The following ITGB8 variants were observed in gnomAD, a reference collection of about 807,000 sequenced individuals.
ITGB8 encodes integrin beta-8.
A neutral mutation model predicts 89.5 loss-of-function variants in ITGB8; 30 were observed. The observed-to-expected ratio is 0.34, with a 90% confidence interval of 0.25 to 0.45. The LOEUF (loss-of-function observed/expected upper bound fraction) is 0.45, where lower values mean the gene tolerates loss of function less well. Ranked by LOEUF, ITGB8 falls within the 20% of genes least tolerant of loss-of-function variation. The pLI, the probability that ITGB8 is intolerant of heterozygous loss-of-function variation, is 1.00. For missense variants in ITGB8, 836 were observed against 933.3 expected (o/e 0.90, Z 1.36); for synonymous variants, 335 against 320.4 (o/e 1.05, Z -0.49).
intron 1 of ITGB8, among the ~76,000 whole-genome samples, chr7:20,346,301 G>C (rs752581797): frequency 1.3e-5 from 2 of 152,160 alleles, no homozygotes; most frequent in East Asian, 1.9e-4. Context: ...ACTGGGATAT[G>C]GGCAGTCCTT....
chr7:20,359,045 C>G (rs1324072734), intron 1 of ITGB8, among the ~76,000 whole-genome samples: 1 of 152,170 alleles, frequency 6.6e-6, no homozygotes, highest in Non-Finnish European at 1.5e-5. Flanking sequence ...CATGATTTTG[C>G]TCTTTCTTAT....
chr7:20,341,378 A>G (rs1162141712), intron 1 of ITGB8, among the ~76,000 whole-genome samples: 1 of 152,188 alleles, frequency 6.6e-6, no homozygotes. Flanking sequence ...AGTTTTGGTT[A>G]AAAAGGTCCC....
At chr7:20,408,754 C>T (rs1787648593) in intron 12 of ITGB8, among the ~76,000 whole-genome samples, 1 of 152,136 alleles carries the variant, frequency 6.6e-6, no homozygotes, top group Non-Finnish European at 1.5e-5. Flanking sequence ...ACAACAGAGC[C>T]TGTAGACTTT....
intron 1 of ITGB8, among the ~76,000 whole-genome samples, chr7:20,355,660 A>C (rs1278389819): frequency 6.6e-6 from 1 of 152,144 alleles, no homozygotes; most frequent in Admixed American, 6.5e-5. Flanking sequence ...TTGCCCCATA[A>C]AGATACTTAT....
intron 6 of ITGB8, among the ~76,000 whole-genome samples, chr7:20,384,090 G>T (rs1786509433): frequency 1.3e-5 from 2 of 152,104 alleles, no homozygotes; most frequent in African/African-American, 4.8e-5. Context: ...TCCTGCTTTG[G>T]AATGTTCTAT....
At chr7:20,377,061 G>T (rs1233926469) in intron 3 of ITGB8, among the ~76,000 whole-genome samples, 2 of 152,102 alleles carry the variant, frequency 1.3e-5, no homozygotes, top group Non-Finnish European at 2.9e-5. Flanking sequence ...CCCTTGTGTG[G>T]CTAGCATTTG....
chr7:20,387,051 G>A (rs938066705), intron 6 of ITGB8, among the ~76,000 whole-genome samples: 6 of 152,158 alleles, frequency 3.9e-5, no homozygotes, highest in Non-Finnish European at 8.8e-5. Flanking sequence ...GCACATCCAA[G>A]AGCATATCTT....
intron 1 of ITGB8, among the ~76,000 whole-genome samples, chr7:20,336,870 G>A (rs1054673597): frequency 2.6e-5 from 4 of 152,172 alleles, no homozygotes; most frequent in Non-Finnish European, 5.9e-5. Context: ...ATAACTTGAG[G>A]ATAATAGTGA....
intron 2 of ITGB8, 119 bp from the exon 3 acceptor site, chr7:20,366,893 A>C: frequency 1.5e-6 from 1 of 645,966 alleles, no homozygotes. Context: ...TAAAAACATA[A>C]GGATTAGAAG....
intron 1 of ITGB8, among the ~76,000 whole-genome samples, chr7:20,337,524 T>G (rs1583463362): frequency 1.3e-5 from 2 of 152,342 alleles, no homozygotes; most frequent in Admixed American, 1.3e-4. Flanking sequence ...GAAAATATAA[T>G]ATATCCTTTA....
At chr7:20,359,617 T>C (rs1785424479) in intron 1 of ITGB8, among the ~76,000 whole-genome samples, 1 of 152,096 alleles carries the variant, frequency 6.6e-6, no homozygotes, top group Non-Finnish European at 1.5e-5. Context: ...GTAGAGATTT[T>C]TACTTTCACA....
intron 1 of ITGB8, among the ~76,000 whole-genome samples, chr7:20,345,887 T>G (rs1161972221): frequency 1.3e-5 from 2 of 152,174 alleles, no homozygotes; most frequent in Non-Finnish European, 2.9e-5. Context: ...CATCTTGTAT[T>G]GCAAAGATGA....
chr7:20,408,406 T>C (rs1350843303), intron 12 of ITGB8, among the ~76,000 whole-genome samples: 1 of 151,278 alleles, frequency 6.6e-6, no homozygotes, highest in Non-Finnish European at 1.5e-5. Context: ...ATAGGCTTAA[T>C]TAAGTCTTCC....
Position 20,331,557 on chromosome 7 carries a change from A to T in ITGB8, c.-250A>T, listed in dbSNP as rs544490271. ...CGCCGGGGCCCTTGGCCGTCGAAGG[A>T]GGTGCTTCTCGCGGAGACCGCGGGA... On this transcript the variant is annotated 5_prime_UTR_variant, in exon 1 of 14. Transcript: ENST00000222573. 4.3e-4 allele frequency: 193 copies of T among 450,364 alleles called. No homozygotes were observed. Among genetic ancestry groups the T allele is most frequent in the South Asian group, 1.9e-3 (31 of 15,982 alleles). The allele number at this position is 450,364 out of a possible 1,614,324, so 27.9% of individuals were successfully genotyped here.
chr7:20,334,121 CT>C (rs1164759383), intron 1 of ITGB8, among the ~76,000 whole-genome samples: 1 of 152,094 alleles, frequency 6.6e-6, no homozygotes, highest in Non-Finnish European at 1.5e-5. Flanking sequence ...ATATAGTGGA[CT>C]TTTAATAACA....
intron 6 of ITGB8, 134 bp downstream of exon 6, chr7:20,382,019 G>A: frequency 1.4e-6 from 1 of 703,106 alleles, no homozygotes; most frequent in Non-Finnish European, 2.3e-6. Flanking sequence ...AGCCATGAGA[G>A]AGAATTTATG....
chr7:20,402,205 T>G lies in ITGB8; in HGVS notation c.1687+79T>G. 3 of 1,255,808 alleles carry G rather than the reference T, an allele frequency of 2.4e-6. No homozygotes were observed. The South Asian group carries it at 5.4e-5, about 23-fold the overall frequency. 77.8% of individuals were successfully genotyped at this position (1,255,808 alleles called of 1,614,324 possible). A position where few individuals can be genotyped will look rare whatever the true frequency, so the allele number is the denominator to read the frequency against. On this transcript the variant is annotated intron_variant, in intron 10 of 13. Transcript: ENST00000222573. ...GATGTTAAAGTGTCTTTAAATCACA[T>G]GTTTATAAATTAGCAAAACTGAATC...
chr7:20,336,189 T>C (rs1401093742), intron 1 of ITGB8, among the ~76,000 whole-genome samples: 1 of 151,798 alleles, frequency 6.6e-6, no homozygotes, highest in Non-Finnish European at 1.5e-5. Context: ...GTATTTTTAG[T>C]AGAGAGGGCG....
rs936527999 is a variant in ITGB8 at position 20,381,513 on chromosome 7, C to T, written c.802-214C>T. Reference sequence around the variant, plus strand: ...CTTCCTCCAGTGGAACACTAGAAATCTCTAGCCAGGAACTAGTGTGGTCAC... The same window carrying T: ...CTTCCTCCAGTGGAACACTAGAAATTTCTAGCCAGGAACTAGTGTGGTCAC... On this transcript the variant is annotated intron_variant, in intron 5 of 13. Transcript: ENST00000222573. 3 of 439,648 alleles carry T rather than the reference C, an allele frequency of 6.8e-6. No individual in the cohort carries two copies. In the East Asian group the frequency reaches 1.1e-4, roughly 16 times the overall value. 27.2% of individuals were successfully genotyped at this position (439,648 alleles called of 1,614,324 possible).
Sources: gnomAD v4.1 joint callset for allele counts (sites outside exome capture counted in the v4.1 genomes callset) on GRCh38, gnomAD v4.1.1 for gene constraint, MANE v1.5 for transcripts, NCBI Gene and HGNC (gene_info 2026-07-23, HGNC 2026-07-21) for gene names.